The following ZNF728 variants were observed in gnomAD, a reference collection of about 807,000 sequenced individuals.
ZNF728 encodes zinc finger protein 728.
ZNF728 carries 12 observed loss-of-function variants against 12.5 expected under a neutral mutation model. The ratio of observed to expected loss-of-function variants is 0.96; its 90% CI spans 0.61 to 1.55. ZNF728 has a LOEUF of 1.55. Among genes scored for constraint, ZNF728 ranks in the 40% most tolerant of loss-of-function variants. The probability of loss-of-function intolerance (pLI) is 0.00; values close to 1 mark genes in which losing one functional copy is unlikely to be tolerated. For synonymous variants in ZNF728, 205 were observed against 240.7 expected, an observed-to-expected ratio of 0.85 and a Z score of 1.37; for missense variants, 692 against 719.2, an observed-to-expected ratio of 0.96 and a Z score of 0.43.
intron 3 of ZNF728, among the ~76,000 whole-genome samples, chr19:22,981,323 A>G (rs550491287): frequency 5.9e-5 from 9 of 152,230 alleles, no homozygotes; most frequent in Non-Finnish European, 1.2e-4. Flanking sequence ...TTCCAAGTCT[A>G]AATCAGGAAG....
chr19:22,976,193 T>C lies in ZNF728; in HGVS notation c.1144A>G (p.Ser382Gly). ...ECGKAFSWPS[S>G]LTEHKRIHAG... ...TGAATTCTCTTGTGTTCAGTAAGGCTTGAGGGCCAGCTGAAGGCTTTGCCA... is the reference window on the plus strand; with the variant it reads ...TGAATTCTCTTGTGTTCAGTAAGGCCTGAGGGCCAGCTGAAGGCTTTGCCA... The change falls in exon 4 of 4, where the codon AGC becomes GGC. Residue 382 changes from serine to glycine, a missense_variant. By Grantham distance (56) the Ser-to-Gly change is moderately conservative. This residue lies in a region of ZNF728 where 440 missense variants were observed against 459.6 expected (regional missense o/e 0.96). Transcript: ENST00000594710. 1.2e-5 allele frequency: 19 copies of C among 1,613,678 alleles called. No individual in the cohort carries two copies. Among genetic ancestry groups the C allele is most frequent in the Non-Finnish European group, 1.6e-5 (19 of 1,179,920 alleles).
At chr19:22,989,408 A>T (rs867679702) in intron 1 of ZNF728, among the ~76,000 whole-genome samples, 6 of 152,174 alleles carry the variant, frequency 3.9e-5, no homozygotes, top group Admixed American at 2.0e-4. Context: ...AAAACAGACA[A>T]ATGCAAAGGA....
At chr19:22,997,424 T>C (rs567398463) in intron 1 of ZNF728, among the ~76,000 whole-genome samples, 11 of 152,172 alleles carry the variant, frequency 7.2e-5, no homozygotes, top group Admixed American at 1.3e-4. Context: ...TGGTAAATAA[T>C]GAAATTAAAG....
chr19:22,977,691 C>G (rs961960520), intron 3 of ZNF728, among the ~76,000 whole-genome samples: 1 of 152,112 alleles, frequency 6.6e-6, no homozygotes, highest in Non-Finnish European at 1.5e-5. Flanking sequence ...CATAAATAAT[C>G]TCTTTTAACT....
At chr19:22,984,756 A>C (rs966721240) in intron 3 of ZNF728, among the ~76,000 whole-genome samples, 2 of 152,038 alleles carry the variant, frequency 1.3e-5, no homozygotes, top group African/African-American at 4.8e-5. Flanking sequence ...TTCTCATTGC[A>C]TTTTTGAAGA....
intron 1 of ZNF728, among the ~76,000 whole-genome samples, chr19:23,000,797 T>C (rs546515873): frequency 4.1e-4 from 58 of 140,640 alleles, no homozygotes; most frequent in African/African-American, 1.5e-3. Context: ...GAACTCGTGA[T>C]GCAGAGGTTG....
intron 3 of ZNF728, among the ~76,000 whole-genome samples, chr19:22,986,178 G>C (rs1328244782): frequency 1.3e-5 from 2 of 152,158 alleles, no homozygotes; most frequent in African/African-American, 4.8e-5. Flanking sequence ...AAAACTTTAA[G>C]AGGTGTTTGC....
intron 3 of ZNF728, among the ~76,000 whole-genome samples, chr19:22,983,319 C>A (rs1345248099): frequency 6.6e-6 from 1 of 152,062 alleles, no homozygotes; most frequent in Non-Finnish European, 1.5e-5. Flanking sequence ...CCATTTCATG[C>A]CAGTTAGAAT....
chr19:22,990,023 TAGTG>T (rs1453792100), intron 1 of ZNF728, among the ~76,000 whole-genome samples: 2 of 152,160 alleles, frequency 1.3e-5, no homozygotes, highest in Non-Finnish European at 2.9e-5. Context: ...TATAAAATCA[TAGTG>T]AGATTTCTGC....
Position 23,003,088 on chromosome 19 carries a change from C to G in ZNF728, c.-58G>C. 1 of 1,548,686 alleles carries G rather than the reference C, an allele frequency of 6.5e-7. No individual in the cohort carries two copies. Among genetic ancestry groups the G allele is most frequent in the South Asian group, 1.2e-5 (1 of 80,742 alleles). ...TGTGAATCTCCCAATACCTGCAGGTCACAGGGCCATAGAAGCTGGGCCTTT... is the reference window on the plus strand; with the variant it reads ...TGTGAATCTCCCAATACCTGCAGGTGACAGGGCCATAGAAGCTGGGCCTTT... On this transcript the variant is annotated 5_prime_UTR_variant, in exon 1 of 4. The change abolishes the stop of an existing upstream ORF in the 5' untranslated region. Coordinates refer to ENST00000594710, the MANE Select transcript of ZNF728 (RefSeq NM_001267716.2).
Position 22,976,483 on chromosome 19 carries a change from T to A in ZNF728, c.854A>T (p.Lys285Ile). 2 of 1,613,194 alleles carry A rather than the reference T, an allele frequency of 1.2e-6. No homozygotes were observed. The highest frequency in any genetic ancestry group is 1.7e-6 in the Non-Finnish European group (2 of 1,179,942). ...KRSHAGEKPY[K>I]CEECGKAFSK... Reference sequence around the variant, plus strand: ...AAAGGCTTTGCCACATTCTTCACATTTGTAGGGTTTCTCTCCAGCATGACT... The same window carrying A: ...AAAGGCTTTGCCACATTCTTCACATATGTAGGGTTTCTCTCCAGCATGACT... The change falls in exon 4 of 4, where the codon AAA (lysine) becomes ATA (isoleucine). Residue 285 changes from lysine (K) to isoleucine (I), a missense_variant. Transcript: ENST00000594710.
At chr19:22,977,752 A>T (rs559294361) in intron 3 of ZNF728, among the ~76,000 whole-genome samples, 25 of 152,330 alleles carry the variant, frequency 1.6e-4, no homozygotes, top group African/African-American at 5.8e-4. Context: ...TGTTTGAGAG[A>T]CCCACATAAT....
chr19:23,002,587 T>G lies in ZNF728; in HGVS notation c.3+441A>C, dbSNP rs573007863. Among the ~76,000 whole-genome samples, 4 of 152,332 alleles carry G rather than the reference T, an allele frequency of 2.6e-5. No homozygotes were observed. The South Asian group carries it at 8.3e-4, about 32-fold the overall frequency. ...GGGTGCTCTACAATTTTGGAATCAC[T>G]CTTTGGTTAAATTATTTAATATTTG... On this transcript the variant is annotated intron_variant, in intron 1 of 3. Coordinates refer to ENST00000594710, the MANE Select transcript of ZNF728 (RefSeq NM_001267716.2).
Position 22,975,981 on chromosome 19 carries a change from G to T in ZNF728, c.1356C>A (p.Tyr452Ter). ...HKVIHTGEKH[Y>*]KCEECGKVFS... Reference sequence around the variant, plus strand: ...AGACTTTGCCACATTCTTCACATTTGTAGTGTTTCTCTCCAGTATGAATTA... The same window carrying T: ...AGACTTTGCCACATTCTTCACATTTTTAGTGTTTCTCTCCAGTATGAATTA... The change falls in exon 4 of 4, where the codon TAC (tyrosine) becomes TAA (stop). Residue 452 changes from tyrosine (Y) to a stop codon, truncating the protein, a stop_gained. Coordinates refer to ENST00000594710, the MANE Select transcript of ZNF728 (RefSeq NM_001267716.2). LOFTEE classifies it low-confidence loss of function (END_TRUNC). 1 of 1,612,822 alleles carries T rather than the reference G, an allele frequency of 6.2e-7. No homozygotes were observed. The highest frequency in any genetic ancestry group is 8.5e-7 in the Non-Finnish European group (1 of 1,179,914).
Position 23,003,033 on chromosome 19 carries a change from C to G in ZNF728, c.-3G>C. The G allele has an allele frequency of 6.3e-7, 1 of 1,584,332 alleles. No individual in the cohort carries two copies. On this transcript the variant is annotated 5_prime_UTR_variant, in exon 1 of 4. Coordinates refer to ENST00000594710, the MANE Select transcript of ZNF728 (RefSeq NM_001267716.2). ...GTCGGACCCGGCTGACTCACCATTTCTAGGCTTCCGGGGGTCCTGGCGACT... is the reference window on the plus strand; with the variant it reads ...GTCGGACCCGGCTGACTCACCATTTGTAGGCTTCCGGGGGTCCTGGCGACT...
chr19:22,989,344 T>C (rs191579219), intron 1 of ZNF728, among the ~76,000 whole-genome samples: 1,799 of 152,264 alleles, frequency 0.012, 16 homozygotes, highest in Non-Finnish European at 0.02. Context: ...AATGAGCCTG[T>C]GTTTTTCTCA....
Position 23,003,070 on chromosome 19 carries a change from C to G in ZNF728, c.-40G>C, listed in dbSNP as rs777030720. On this transcript the variant is annotated 5_prime_UTR_variant, in exon 1 of 4. Transcript: ENST00000594710. ...GGGTCCTGGCGACTTAGTTGTGAAT[C>G]TCCCAATACCTGCAGGTCACAGGGC... 6.4e-7 allele frequency: 1 copy of G among 1,569,132 alleles called. No homozygotes were observed. The highest frequency in any genetic ancestry group is 1.2e-5 in the South Asian group (1 of 83,568).
At chr19:22,999,135 C>T (rs966965809) in intron 1 of ZNF728, among the ~76,000 whole-genome samples, 1 of 151,990 alleles carries the variant, frequency 6.6e-6, no homozygotes, top group African/African-American at 2.4e-5. Context: ...TTAAACATTC[C>T]CCTCACCTTT....
At chr19:22,981,414 G>C (rs564789215) in intron 3 of ZNF728, among the ~76,000 whole-genome samples, 24 of 152,266 alleles carry the variant, frequency 1.6e-4, no homozygotes, top group African/African-American at 5.5e-4. Flanking sequence ...AAATGTCCAG[G>C]ACCTGATGGA....
Sources: gnomAD v4.1 joint callset for allele counts (sites outside exome capture counted in the v4.1 genomes callset) on GRCh38, gnomAD v4.1.1 for gene constraint, gnomAD v4.1.1 regional missense constraint, MANE v1.5 for transcripts, NCBI Gene and HGNC (gene_info 2026-07-23, HGNC 2026-07-21) for gene names.